The following NOTCH2 variants were observed in gnomAD, a reference collection of about 807,000 sequenced individuals.
NOTCH2 encodes neurogenic locus notch homolog protein 2.
In NOTCH2, 29 loss-of-function variants were observed where a neutral mutation model predicts 235.8. That is an observed-to-expected ratio of 0.12 (90% CI 0.09 to 0.17). NOTCH2 has a LOEUF of 0.17. Among genes scored for constraint, NOTCH2 ranks in the 10% least tolerant of loss-of-function variants. NOTCH2 has a pLI of 1.00. For synonymous variants in NOTCH2, 1,086 were observed against 1,141.5 expected, an observed-to-expected ratio of 0.95 and a Z score of 0.98; for missense variants, 2,285 against 3,150.2, an observed-to-expected ratio of 0.73 and a Z score of 6.57.
chr1:119,986,522 A>G (rs1570717446), intron 5 of NOTCH2, among the ~76,000 whole-genome samples: 1 of 152,232 alleles, frequency 6.6e-6, no homozygotes. Context: ...AGAACATGAC[A>G]TTAAGATGGG....
intron 5 of NOTCH2, among the ~76,000 whole-genome samples, chr1:119,984,171 G>T (rs111941127): frequency 2.0e-5 from 3 of 151,998 alleles, no homozygotes; most frequent in African/African-American, 7.2e-5. Context: ...TCTTAAAAAG[G>T]GAAAACACAT....
chr1:119,959,591 T>C (rs1650860162), intron 11 of NOTCH2, 89 bp from the exon 12 acceptor site: 2 of 785,438 alleles, frequency 2.5e-6, no homozygotes, highest in Non-Finnish European at 4.5e-6. Context: ...TGGTAAGAAA[T>C]CTAAGGTGAA....
chr1:119,946,994 TAAA>T (rs1553197113), intron 17 of NOTCH2, among the ~76,000 whole-genome samples: 1 of 152,020 alleles, frequency 6.6e-6, no homozygotes, highest in African/African-American at 2.4e-5. Flanking sequence ...AAAACAAAAT[TAAA>T]CTTGACTTTT....
chr1:120,069,348 G>C lies in NOTCH2; in HGVS notation c.59C>G (p.Ala20Gly), dbSNP rs1302570383. The C allele has an allele frequency of 6.4e-7, 1 of 1,570,422 alleles. No individual in the cohort carries two copies. Among genetic ancestry groups the C allele is most frequent in the Non-Finnish European group, 8.6e-7 (1 of 1,166,766 alleles). ...CCGATACTCACCATGCGCGGGGGCCGCGCAGCACAGCCAGAGCGCCAGCAG... is the reference window on the plus strand; with the variant it reads ...CCGATACTCACCATGCGCGGGGGCCCCGCAGCACAGCCAGAGCGCCAGCAG... ...WALLALWLCC[A>G]APAHALQCRD... The change falls in exon 1 of 34, where the codon GCG becomes GGG. Residue 20 changes from alanine (A) to glycine (G), a missense_variant. Coordinates refer to ENST00000256646, the MANE Select transcript of NOTCH2 (RefSeq NM_024408.4).
intron 19 of NOTCH2, among the ~76,000 whole-genome samples, chr1:119,938,902 G>A (rs112105348): frequency 7.2e-5 from 11 of 152,180 alleles, no homozygotes; most frequent in Admixed American, 3.3e-4. Context: ...GGACGGTCTC[G>A]ATCTCCTGAC....
chr1:119,948,490 C>G lies in NOTCH2; in HGVS notation c.2676G>C (p.Gln892His), dbSNP rs782777538. ...GTGGACATTCACACATGTAGCTGCCCTGGGTGTTATGGCAGAGACCATGGT... is the reference window on the plus strand; with the variant it reads ...GTGGACATTCACACATGTAGCTGCCGTGGGTGTTATGGCAGAGACCATGGT... Reference protein sequence around the residue: ...CMNHGLCHNTQGSYMCECPPG... With the variant: ...CMNHGLCHNTHGSYMCECPPG... The change falls in exon 17 of 34, where the codon CAG (glutamine) becomes CAC (histidine). Residue 892 changes from glutamine to histidine, a missense_variant. Coordinates refer to ENST00000256646, the MANE Select transcript of NOTCH2 (RefSeq NM_024408.4). The G allele has an allele frequency of 6.2e-7, 1 of 1,614,134 alleles. No homozygotes were observed. Among genetic ancestry groups the G allele is most frequent in the Non-Finnish European group, 8.5e-7 (1 of 1,180,012 alleles).
At chr1:119,999,976 A>AAGGAAGGAAGG (rs58528085) in intron 3 of NOTCH2, among the ~76,000 whole-genome samples, 48 of 56,628 alleles carry the variant, frequency 8.5e-4, no homozygotes, top group Admixed American at 1.6e-3. Flanking sequence ...AGAAAGAAAG[A>AAGGAAGGAAGG]AAGGAAGGAA....
intron 3 of NOTCH2, among the ~76,000 whole-genome samples, chr1:119,999,917 GAGAAAGAAAGAAAGAAAGAAAGAA>G (rs71260137): frequency 6.9e-4 from 63 of 91,140 alleles, no homozygotes; most frequent in South Asian, 3.4e-3. Flanking sequence ...GAGAAAGAGA[GAGAAAGAAAGAAAGAAAGAAAGAA>G]AGAAAGAAAG....
chr1:119,959,569 G>GATT, intron 11 of NOTCH2, 67 bp from the exon 12 acceptor site: 1 of 877,536 alleles, frequency 1.1e-6, no homozygotes, highest in Non-Finnish European at 1.9e-6. Flanking sequence ...TTCTGCTTGT[G>GATT]ATGCAGCAAC....
intron 9 of NOTCH2, among the ~76,000 whole-genome samples, chr1:119,965,943 G>T (rs587651999): frequency 7.0e-6 from 1 of 142,370 alleles, no homozygotes; most frequent in Non-Finnish European, 1.6e-5. Flanking sequence ...AATAGCTTGA[G>T]GAAAAAAAAG....
At chr1:119,988,080 G>A (rs1652090026) in intron 4 of NOTCH2, among the ~76,000 whole-genome samples, 1 of 152,082 alleles carries the variant, frequency 6.6e-6, no homozygotes, top group African/African-American at 2.4e-5. Flanking sequence ...TATCCCTTAA[G>A]GTTCCTCTCT....
chr1:119,926,662 C>T (rs1314844409), intron 23 of NOTCH2, 51 bp from the exon 24 acceptor site: 17 of 1,440,382 alleles, frequency 1.2e-5, no homozygotes, highest in Non-Finnish European at 1.6e-5. Context: ...GTAGTCACTG[C>T]AAGTTACTCA....
At chr1:119,985,239 T>C (rs1553202088) in intron 5 of NOTCH2, among the ~76,000 whole-genome samples, 1 of 151,768 alleles carries the variant, frequency 6.6e-6, no homozygotes, top group African/African-American at 2.4e-5. Context: ...AGAAAACCTG[T>C]GATGAATAAC....
intron 29 of NOTCH2, 30 bp from the exon 30 acceptor site, chr1:119,920,427 A>T (rs1302142573): frequency 1.2e-6 from 2 of 1,613,504 alleles, no homozygotes; most frequent in Non-Finnish European, 1.7e-6. Context: ...CTCCCTATCA[A>T]TCTGGCCACC....
chr1:119,981,298 A>C (rs1450727196), intron 5 of NOTCH2, among the ~76,000 whole-genome samples: 1 of 152,070 alleles, frequency 6.6e-6, no homozygotes, highest in Non-Finnish European at 1.5e-5. Context: ...TCAAATTCAC[A>C]TTCACACACA....
chr1:119,917,831 A>G (rs1649140065), intron 32 of NOTCH2, 69 bp from the exon 33 acceptor site: 1 of 1,005,242 alleles, frequency 9.9e-7, no homozygotes, highest in African/African-American at 1.6e-5. Flanking sequence ...TGACTTGCAC[A>G]ATGAAATCTT....
Position 119,967,640 on chromosome 1 carries a change from A to G in NOTCH2, c.1265-19T>C. ...CTATTGGCTGAAAGACACAAGTACC[A>G]ATTACTGGGATCAAAGCAGTTGAGT... On this transcript the variant is annotated intron_variant, in intron 7 of 33. Coordinates refer to ENST00000256646, the MANE Select transcript of NOTCH2 (RefSeq NM_024408.4). The G allele has an allele frequency of 6.2e-7, 1 of 1,611,814 alleles. No individual in the cohort carries two copies. Among genetic ancestry groups the G allele is most frequent in the Non-Finnish European group, 8.5e-7 (1 of 1,177,926 alleles).
rs372916164 is a variant in NOTCH2 at position 119,922,425 on chromosome 1, C to T, written c.5024G>A (p.Arg1675His). The change falls in exon 28 of 34, where the codon CGC (arginine) becomes CAC (histidine). Residue 1675 changes from arginine to histidine, a missense_variant. Physicochemically the swap from Arg to His is conservative, Grantham distance 29. Around this residue, in one of 6 missense-constraint regions of NOTCH2, gnomAD observed 1,173 missense variants for 1,515.3 expected, o/e 0.77. Coordinates refer to ENST00000256646, the MANE Select transcript of NOTCH2 (RefSeq NM_024408.4). ...AGCAAGGAGATAGAGGAGCTGAGTG[C>T]GTTCTGGAGTCAGGGATTCACCTGA... is the stretch of plus-strand genomic sequence containing the variant. ...SVVSESLTPE[R>H]TQLLYLLAVA... The T allele has an allele frequency of 4.3e-5, 70 of 1,612,764 alleles. No homozygotes were observed. The highest frequency in any genetic ancestry group is 1.5e-4 in the Admixed American group (9 of 59,740).
chr1:119,981,209 A>C (rs1651800376), intron 5 of NOTCH2, among the ~76,000 whole-genome samples: 1 of 152,024 alleles, frequency 6.6e-6, no homozygotes, highest in African/African-American at 2.4e-5. Flanking sequence ...CAGACTCAAA[A>C]CAGAAGTTCA....
Sources: allele counts gnomAD v4.1 joint callset (sites outside exome capture counted in the v4.1 genomes callset), GRCh38; gene constraint gnomAD v4.1.1; regional missense constraint gnomAD v4.1.1; transcripts MANE v1.5; gene names NCBI Gene and HGNC (gene_info 2026-07-23, HGNC 2026-07-21).